Variants in APAF1 observed in about 807,000 individuals in gnomAD.
APAF1 encodes apoptotic protease-activating factor 1.
A neutral mutation model predicts 152.4 loss-of-function variants in APAF1; 91 were observed. The observed-to-expected ratio is 0.60, with a 90% CI of 0.50 to 0.71. The LOEUF is 0.71. Among genes scored for constraint, APAF1 ranks in the 30% least tolerant of loss-of-function variants. The probability of loss-of-function intolerance (pLI) is 0.00; values close to 1 mark genes in which losing one functional copy is unlikely to be tolerated. For synonymous variants in APAF1, 484 were observed against 494.1 expected (o/e 0.98, Z 0.27); for missense variants, 1,283 against 1,472.0 (o/e 0.87, Z 2.10).
chr12:98,686,874 G>A lies in APAF1; in HGVS notation c.2304+1G>A. On this transcript the variant is annotated splice_donor_variant, in intron 16 of 26. Coordinates refer to ENST00000551964, the MANE Select transcript of APAF1 (RefSeq NM_181861.2). LOFTEE classifies it high-confidence loss of function. ...TTGTTCAGCTGATGGAACCTTAAAG[G>A]TATGCTTTTGTACACTATTAAAATA... is the stretch of plus-strand genomic sequence containing the variant. 3 of 1,613,610 alleles carry A rather than the reference G, an allele frequency of 1.9e-6. No homozygotes were observed. The highest frequency in any genetic ancestry group is 2.5e-6 in the Non-Finnish European group (3 of 1,179,732).
intron 14 of APAF1, among the ~76,000 whole-genome samples, 183 bp downstream of exon 14, chr12:98,680,585 C>G (rs2097691213): frequency 6.6e-6 from 1 of 152,090 alleles, no homozygotes; most frequent in Non-Finnish European, 1.5e-5. Flanking sequence ...GGATTTTGCT[C>G]TGTGACCCAG....
intron 16 of APAF1, 63 bp from the exon 17 acceptor site, chr12:98,699,345 A>G: frequency 6.6e-7 from 1 of 1,521,252 alleles, no homozygotes; most frequent in Non-Finnish European, 9.0e-7. Flanking sequence ...ATTTAGGAAA[A>G]ATTCTAGAAG....
chr12:98,732,054 AAG>A (rs985987089), intron 26 of APAF1, among the ~76,000 whole-genome samples: 2 of 152,118 alleles, frequency 1.3e-5, no homozygotes, highest in Non-Finnish European at 2.9e-5. Flanking sequence ...CATTTGAGTG[AAG>A]AGAGGGGGAA....
At position 98,654,195 on chromosome 12, in the gene APAF1, C is replaced by A. The variant is rs188889043; in HGVS notation, c.526+4511C>A. Among the ~76,000 whole-genome samples, 24 of 152,298 alleles carry A rather than the reference C, an allele frequency of 1.6e-4. 1 individual carries two copies. The East Asian group carries it at 3.3e-3, about 21-fold the overall frequency. On this transcript the variant is annotated intron_variant, in intron 4 of 26. Transcript: ENST00000551964. The stretch of plus-strand genomic sequence containing the variant: ...TTATATTGTGATGGTTAGAGATTTA[C>A]ATATCAGATGGTCATTTGGTCTGTT...
intron 14 of APAF1, among the ~76,000 whole-genome samples, chr12:98,682,044 A>ATTTTTTTTTTTTTTTTTTTTTTTT (rs1201758624): frequency 7.1e-6 from 1 of 141,204 alleles, no homozygotes; most frequent in African/African-American, 2.7e-5. Flanking sequence ...ATGATGATTA[A>ATTTTTTTTTTTTTTTTTTTTTTTT]TTTTTTTGTT....
chr12:98,683,801 T>C (rs73378418), intron 15 of APAF1, among the ~76,000 whole-genome samples: 4,160 of 152,182 alleles, frequency 0.027, 193 homozygotes, highest in African/African-American at 0.095. Flanking sequence ...GACAAATGAG[T>C]GAGGTCAACT....
chr12:98,658,173 C>G (rs926135206), intron 4 of APAF1, among the ~76,000 whole-genome samples: 1 of 151,860 alleles, frequency 6.6e-6, no homozygotes, highest in Non-Finnish European at 1.5e-5. Flanking sequence ...ACATAGGGAC[C>G]CCTCTTTTTT....
intron 16 of APAF1, among the ~76,000 whole-genome samples, chr12:98,687,610 C>T (rs1451394084): frequency 1.3e-5 from 2 of 151,892 alleles, no homozygotes; most frequent in African/African-American, 2.4e-5. Context: ...AGTGAGGAGG[C>T]GGCTGAACTT....
chr12:98,686,393 A>G (rs1339693845), intron 15 of APAF1, among the ~76,000 whole-genome samples: 1 of 152,178 alleles, frequency 6.6e-6, no homozygotes, highest in Non-Finnish European at 1.5e-5. Context: ...TATGGGGGTA[A>G]TTTATATTAC....
In APAF1 at chr12:98,671,707, A is replaced by T. The variant is rs61758870; in HGVS notation, c.1781A>T (p.Tyr594Phe). The T allele has an allele frequency of 1.7e-5, 27 of 1,613,988 alleles. No homozygotes were observed. Among genetic ancestry groups the T allele is most frequent in the Non-Finnish European group, 2.3e-5 (27 of 1,180,024 alleles). Reference sequence around the variant, plus strand: ...CAGGAGGTCGATAATGGAATGCTTTACCTGGAATGGATGTAAGTAGGTTAG... The same window carrying T: ...CAGGAGGTCGATAATGGAATGCTTTTCCTGGAATGGATGTAAGTAGGTTAG... ...AKQEVDNGMLYLEWINKKNIT... is the reference protein window; with the variant it reads ...AKQEVDNGMLFLEWINKKNIT... Residue 594 changes from tyrosine to phenylalanine, a missense_variant, in exon 12 of 27, where the codon TAC (tyrosine) becomes TTC (phenylalanine). By Grantham distance (22) the Tyr-to-Phe change is conservative. Coordinates refer to ENST00000551964, the MANE Select transcript of APAF1 (RefSeq NM_181861.2).
chr12:98,702,234 T>A (rs2097716244), intron 17 of APAF1, among the ~76,000 whole-genome samples: 2 of 151,936 alleles, frequency 1.3e-5, no homozygotes, highest in African/African-American at 4.8e-5. Context: ...CCCGGCTAAT[T>A]TTTTGTATTT....
chr12:98,707,503 T>G (rs2097722697), intron 19 of APAF1, among the ~76,000 whole-genome samples: 1 of 152,114 alleles, frequency 6.6e-6, no homozygotes, highest in Non-Finnish European at 1.5e-5. Context: ...TGAATTTAAA[T>G]ACAGATATGA....
intron 2 of APAF1, 59 bp from the exon 3 acceptor site, chr12:98,648,567 A>G (rs2097645118): frequency 6.2e-7 from 1 of 1,609,388 alleles, no homozygotes; most frequent in Non-Finnish European, 8.5e-7. Flanking sequence ...ACTGGTCTCC[A>G]CTACTTTATG....
intron 3 of APAF1, 166 bp downstream of exon 3, chr12:98,648,981 A>G (rs1011382104): frequency 3.8e-6 from 3 of 796,728 alleles, no homozygotes; most frequent in African/African-American, 3.4e-5. Context: ...TTGCATCCAC[A>G]TTAACTCTCA....
intron 14 of APAF1, among the ~76,000 whole-genome samples, chr12:98,680,706 G>C (rs180824203): frequency 2.0e-5 from 3 of 152,182 alleles, no homozygotes; most frequent in African/African-American, 7.2e-5. Flanking sequence ...ATGAGCCACT[G>C]TGCGTGGCCT....
chr12:98,664,464 T>C (rs1241422459), intron 7 of APAF1, among the ~76,000 whole-genome samples: 1 of 152,142 alleles, frequency 6.6e-6, no homozygotes, highest in African/African-American at 2.4e-5. Context: ...ATTAGCATCA[T>C]GAGAGTATTG....
chr12:98,730,144 A>G (rs938899946), intron 26 of APAF1, among the ~76,000 whole-genome samples: 18 of 152,238 alleles, frequency 1.2e-4, no homozygotes, highest in Non-Finnish European at 2.1e-4. Context: ...TCCCTTTACA[A>G]GGTTTCATTG....
chr12:98,708,357 A>G (rs2097724117), intron 19 of APAF1, among the ~76,000 whole-genome samples: 1 of 152,226 alleles, frequency 6.6e-6, no homozygotes, highest in African/African-American at 2.4e-5. Flanking sequence ...CTTTAGGTAG[A>G]ACTAGAATTC....
intron 19 of APAF1, among the ~76,000 whole-genome samples, chr12:98,707,635 T>C (rs934277957): frequency 2.6e-5 from 4 of 151,366 alleles, no homozygotes; most frequent in African/African-American, 9.7e-5. Context: ...GCATTATGTA[T>C]GAATTATAGC....
Sources: allele counts gnomAD v4.1 joint callset (sites outside exome capture counted in the v4.1 genomes callset), GRCh38; gene constraint gnomAD v4.1.1; transcripts MANE v1.5; gene names NCBI Gene and HGNC (gene_info 2026-07-23, HGNC 2026-07-21).